Variants in RBMS3 observed in about 807,000 individuals in gnomAD.
The protein encoded by RBMS3 is RNA binding motif single stranded interacting protein 3.
In RBMS3, 27 loss-of-function variants were observed where a neutral mutation model predicts 66.8. The ratio of observed to expected loss-of-function variants is 0.40; its 90% CI spans 0.30 to 0.56. RBMS3 has a LOEUF of 0.56. Ranked by LOEUF, RBMS3 falls within the 20% of genes least tolerant of loss-of-function variation. The pLI is 0.40. For missense variants in RBMS3, 513 were observed against 549.5 expected (o/e 0.93, Z 0.66); for synonymous variants, 188 against 183.0 (o/e 1.03, Z -0.22).
intron 6 of RBMS3, among the ~76,000 whole-genome samples, chr3:29,830,622 T>C (rs2058347132): frequency 6.6e-6 from 1 of 152,168 alleles, no homozygotes; most frequent in Non-Finnish European, 1.5e-5. Flanking sequence ...GATGATAATT[T>C]TAGTACTTAA....
intron 6 of RBMS3, among the ~76,000 whole-genome samples, chr3:29,844,742 T>A (rs575454630): frequency 3.9e-4 from 60 of 152,330 alleles, no homozygotes; most frequent in South Asian, 8.3e-4. Context: ...ATTTATATAA[T>A]CCATGAAATG....
intron 10 of RBMS3, among the ~76,000 whole-genome samples, chr3:29,929,202 A>G (rs2061038533): frequency 6.6e-6 from 1 of 152,190 alleles, no homozygotes; most frequent in South Asian, 2.1e-4. Context: ...AGAGTCCTCA[A>G]AATCTCAAAT....
At chr3:29,767,844 T>TCAGTGG (rs1244114012) in intron 6 of RBMS3, among the ~76,000 whole-genome samples, 3 of 152,098 alleles carry the variant, frequency 2.0e-5, no homozygotes, top group Non-Finnish European at 4.4e-5. Context: ...CAAATTTTTA[T>TCAGTGG]CAGTGGGAAA....
At chr3:29,398,343 G>A (rs1167975258) in intron 1 of RBMS3, among the ~76,000 whole-genome samples, 2 of 152,084 alleles carry the variant, frequency 1.3e-5, no homozygotes, top group Admixed American at 6.6e-5. Flanking sequence ...GGAGCAGGAT[G>A]GATACAATTT....
intron 1 of RBMS3, among the ~76,000 whole-genome samples, chr3:29,340,377 G>A (rs895297178): frequency 5.9e-5 from 9 of 152,082 alleles, no homozygotes; most frequent in African/African-American, 1.7e-4. Flanking sequence ...AATGGACACC[G>A]CCATTGGGGT....
intron 3 of RBMS3, among the ~76,000 whole-genome samples, chr3:29,499,937 A>G (rs866447134): frequency 6.6e-6 from 1 of 152,172 alleles, no homozygotes; most frequent in African/African-American, 2.4e-5. Context: ...CATATTTGAG[A>G]TATACTGAAT....
chr3:29,375,505 A>C (rs1249818249), intron 1 of RBMS3, among the ~76,000 whole-genome samples: 1 of 152,236 alleles, frequency 6.6e-6, no homozygotes, highest in East Asian at 1.9e-4. Context: ...ACAAATTTCC[A>C]AGAAGAAAAC....
chr3:29,511,303 A>T (rs538398392), intron 3 of RBMS3, among the ~76,000 whole-genome samples: 5 of 152,346 alleles, frequency 3.3e-5, no homozygotes, highest in Non-Finnish European at 7.3e-5. Context: ...CTCAAATAAA[A>T]TAAAATAAAT....
intron 1 of RBMS3, among the ~76,000 whole-genome samples, chr3:29,345,777 T>G (rs1044322348): frequency 5.9e-5 from 9 of 152,272 alleles, no homozygotes; most frequent in Non-Finnish European, 1.2e-4. Context: ...ACAGGTTTGA[T>G]TGAAGTCCCG....
chr3:29,364,952 C>T (rs1047391910), intron 1 of RBMS3, among the ~76,000 whole-genome samples: 2 of 152,078 alleles, frequency 1.3e-5, no homozygotes, highest in Admixed American at 6.6e-5. Context: ...GAAATAGCTC[C>T]ACGTAGTCCT....
chr3:29,658,224 A>G (rs889243339), intron 4 of RBMS3, among the ~76,000 whole-genome samples: 1 of 152,210 alleles, frequency 6.6e-6, no homozygotes, highest in African/African-American at 2.4e-5. Context: ...CCGGTAGAAA[A>G]CACTTGATAA....
At chr3:29,620,411 G>GT in intron 4 of RBMS3, among the ~76,000 whole-genome samples, 1 of 152,144 alleles carries the variant, frequency 6.6e-6, no homozygotes, top group East Asian at 1.9e-4. Flanking sequence ...ATATATTGAA[G>GT]TTTAAGCTTA....
chr3:29,993,034 T>G (rs1454409146), intron 14 of RBMS3, among the ~76,000 whole-genome samples: 1 of 152,178 alleles, frequency 6.6e-6, no homozygotes. Context: ...GTTTGTTAGA[T>G]TCATCAAAGC....
intron 3 of RBMS3, among the ~76,000 whole-genome samples, chr3:29,493,153 A>G (rs1475979288): frequency 6.6e-6 from 1 of 152,240 alleles, no homozygotes; most frequent in Non-Finnish European, 1.5e-5. Flanking sequence ...ACTGTTATGT[A>G]GCTGTTAAAA....
intron 4 of RBMS3, among the ~76,000 whole-genome samples, chr3:29,690,108 A>G (rs1353881685): frequency 6.6e-6 from 1 of 151,814 alleles, no homozygotes; most frequent in African/African-American, 2.4e-5. Flanking sequence ...ATAGAATAAT[A>G]TAAATTATAT....
At chr3:29,611,472 C>T (rs2048490257) in intron 4 of RBMS3, among the ~76,000 whole-genome samples, 1 of 151,792 alleles carries the variant, frequency 6.6e-6, no homozygotes, top group South Asian at 2.1e-4. Context: ...ACCAAACAGA[C>T]AGCTAAATGA....
intron 1 of RBMS3, among the ~76,000 whole-genome samples, chr3:29,305,124 T>C (rs2033923337): frequency 6.6e-6 from 1 of 151,862 alleles, no homozygotes; most frequent in African/African-American, 2.4e-5. Flanking sequence ...TCCCTCTTCG[T>C]CAGTGGCCCC....
intron 3 of RBMS3, among the ~76,000 whole-genome samples, chr3:29,568,954 A>G (rs1458229452): frequency 1.3e-5 from 2 of 152,100 alleles, no homozygotes; most frequent in Admixed American, 1.3e-4. Context: ...GGGAGTCTCA[A>G]TCTTTAATGT....
rs376971640 is a variant in RBMS3 at position 29,746,310 on chromosome 3, C to T, written c.557+6433C>T. Among the ~76,000 whole-genome samples, 266 of 152,160 alleles carry T rather than the reference C, an allele frequency of 1.7e-3. 13 individuals are homozygous for T. In the South Asian group the frequency reaches 0.05, roughly 29 times the overall value. On this transcript the variant is annotated intron_variant, in intron 5 of 14. Coordinates refer to ENST00000383767, the MANE Select transcript of RBMS3 (RefSeq NM_001003793.3). ...CTCGCTATTTTGGCAATCCTTTTGC[C>T]GTTACTATTTTAAACACATGAAACC...
Sources: allele counts gnomAD v4.1 joint callset (sites outside exome capture counted in the v4.1 genomes callset), GRCh38; gene constraint gnomAD v4.1.1; transcripts MANE v1.5; gene names NCBI Gene and HGNC (gene_info 2026-07-23, HGNC 2026-07-21).